Variants in AMZ1 observed in about 807,000 individuals in gnomAD.
The protein encoded by AMZ1 is archaelysin family metallopeptidase 1, also known as archaemetzincin-1.
AMZ1 carries 39 observed loss-of-function variants against 29.9 expected under a neutral mutation model. The observed-to-expected ratio is 1.30, with a 90% CI of 1.01 to 1.70. The LOEUF (loss-of-function observed/expected upper bound fraction) is 1.70. AMZ1 is among the 40% of genes most tolerant of loss of function. The probability of loss-of-function intolerance (pLI) is 0.00; values close to 1 mark genes in which losing one functional copy is unlikely to be tolerated. For synonymous variants in AMZ1, 458 were observed against 304.0 expected (o/e 1.51, Z -5.27); for missense variants, 1,041 against 680.6 (o/e 1.53, Z -5.89).
chr7:2,736,899 A>G (rs1384049999), intron 4 of AMZ1, among the ~76,000 whole-genome samples: 1 of 152,200 alleles, frequency 6.6e-6, no homozygotes, highest in Non-Finnish European at 1.5e-5. Flanking sequence ...CCACGAGAAA[A>G]GAGCTTCAGA....
In AMZ1 at chr7:2,753,369, T is replaced by C. The variant is rs913020208; in HGVS notation, n.551-11343T>C. On this transcript the variant is annotated intron_variant and non_coding_transcript_variant, in intron 4 of 4. Coordinates refer to the AMZ1 transcript ENST00000489665. ...TCTTGCTATGTTGTCCAGGCTGGTC[T>C]TAAACTACTGGGCTCAAGCCATCCT... 5.0e-4 allele frequency among the ~76,000 whole-genome samples: 72 copies of C among 145,236 alleles called. 1 individual carries two copies. The highest frequency in any genetic ancestry group is 2.0e-4 in the Non-Finnish European group (13 of 65,260).
chr7:2,708,735 A>G lies in AMZ1; in HGVS notation c.601+19A>G. The G allele has an allele frequency of 3.1e-6, 5 of 1,611,820 alleles. No individual in the cohort carries two copies. The highest frequency in any genetic ancestry group is 4.2e-6 in the Non-Finnish European group (5 of 1,179,956). On this transcript the variant is annotated intron_variant, in intron 4 of 6. Coordinates refer to ENST00000683327, the MANE Select transcript of AMZ1 (RefSeq NM_001384743.1). The stretch of plus-strand genomic sequence containing the variant: ...GGGCACGGTGAGCCGGGGCCCCAGC[A>G]GCTGTGCGTGGGGGGTAGCCTGGCA...
intron 3 of AMZ1, among the ~76,000 whole-genome samples, chr7:2,707,736 A>C (rs971784846): frequency 5.9e-5 from 9 of 151,312 alleles, no homozygotes; most frequent in Non-Finnish European, 1.0e-4. Context: ...ATCCTTGGCT[A>C]ATGGTCCTTC....
At chr7:2,694,415 G>A (rs923089931) in intron 1 of AMZ1, among the ~76,000 whole-genome samples, 7 of 152,252 alleles carry the variant, frequency 4.6e-5, no homozygotes, top group African/African-American at 1.7e-4. Context: ...GCACACTGTA[G>A]GACTTCTCAG....
chr7:2,763,866 G>A (rs554346908), upstream of AMZ1, among the ~76,000 whole-genome samples: 3 of 152,344 alleles, frequency 2.0e-5, no homozygotes, highest in East Asian at 5.8e-4. Context: ...CTGGCAGAGA[G>A]CGAGGGAGAC....
chr7:2,749,951 C>T (rs954733053), intron 4 of AMZ1, among the ~76,000 whole-genome samples: 1 of 152,146 alleles, frequency 6.6e-6, no homozygotes, highest in Non-Finnish European at 1.5e-5. Context: ...TGGAATCTCA[C>T]AGAAGAGAAC....
rs143949219 is a variant in AMZ1, at chr7:2,697,483, G to A, written c.-218-2751G>A. On this transcript the variant is annotated intron_variant, in intron 1 of 6. Transcript: ENST00000683327. ...CCCTCCTCCAGGCTGGAGTGCAGTG[G>A]CACGATCATGGCTCACTGCAGCCTT... is the stretch of plus-strand genomic sequence containing the variant. Among the ~76,000 whole-genome samples the A allele has an allele frequency of 2.0e-3, 306 of 152,054 alleles. 1 individual carries two copies. The highest frequency in any genetic ancestry group is 6.9e-3 in the African/African-American group (287 of 41,472).
At chr7:2,761,492 A>G (rs1791553551), upstream of AMZ1, among the ~76,000 whole-genome samples, 1 of 152,214 alleles carries the variant, frequency 6.6e-6, no homozygotes, top group Admixed American at 6.5e-5. Flanking sequence ...CTTTTTCCTA[A>G]AACCTGATGC....
intron 4 of AMZ1, 25 bp downstream of exon 4, chr7:2,708,741 G>A: frequency 1.2e-6 from 2 of 1,611,568 alleles, no homozygotes; most frequent in Middle Eastern, 1.9e-4. Context: ...CAGCAGCTGT[G>A]CGTGGGGGGT....
intron 6 of AMZ1, 25 bp downstream of exon 6, chr7:2,709,841 G>C (rs182917978): frequency 1.2e-6 from 2 of 1,608,348 alleles, no homozygotes; most frequent in Non-Finnish European, 1.7e-6. Context: ...TGCGCTGCCC[G>C]GCTGCTGGGA....
At chr7:2,762,914 C>A, upstream of AMZ1, 1 of 1,415,896 alleles carries the variant, frequency 7.1e-7, no homozygotes, top group South Asian at 1.6e-5. Context: ...GAGAAGAGGC[C>A]ACAGGCGGGG....
At chr7:2,735,857 G>A (rs1466519092) in intron 4 of AMZ1, among the ~76,000 whole-genome samples, 1 of 152,162 alleles carries the variant, frequency 6.6e-6, no homozygotes, top group African/African-American at 2.4e-5. Context: ...TAAGGTGCCA[G>A]GGACTGTGCC....
In AMZ1 at chr7:2,716,467, C is replaced by T. The variant is rs576986513; in HGVS notation, c.*3589C>T. 1.3e-5 allele frequency: 2 copies of T among 151,982 alleles called. No homozygotes were observed. The highest frequency in any genetic ancestry group is 2.1e-4 in the South Asian group (1 of 4,798). The allele number at this position is 151,982 out of a possible 1,614,324, so 9.4% of individuals were successfully genotyped here. On this transcript the variant is annotated 3_prime_UTR_variant, in exon 7 of 7. Transcript: ENST00000683327. ...AGGGATGCCGACCTGTTAATATTTG[C>T]TTCAGACCTTTCCCCGATGAACGAA...
upstream of AMZ1, chr7:2,763,055 A>G: frequency 8.0e-7 from 1 of 1,246,576 alleles, no homozygotes; most frequent in Non-Finnish European, 1.0e-6. Context: ...TTCCTCCAGG[A>G]CGCAGACCGG....
intron 4 of AMZ1, chr7:2,730,851 C>A: frequency 3.7e-6 from 1 of 268,240 alleles, no homozygotes. Flanking sequence ...ACACACAACA[C>A]GGTCCTCAAT....
chr7:2,725,402 G>A (rs902275601), intron 4 of AMZ1, among the ~76,000 whole-genome samples: 4 of 152,236 alleles, frequency 2.6e-5, no homozygotes, highest in Non-Finnish European at 5.9e-5. Flanking sequence ...TGTCTGAAGT[G>A]AGCTTCCACC....
In AMZ1 at chr7:2,715,881, G is replaced by C. The variant is rs950520696; in HGVS notation, c.*3003G>C. 4 of 151,624 alleles carry C rather than the reference G, an allele frequency of 2.6e-5. No individual in the cohort carries two copies. The highest frequency in any genetic ancestry group is 9.7e-5 in the African/African-American group (4 of 41,058). The allele number at this position is 151,624 out of a possible 1,614,324, so 9.4% of individuals were successfully genotyped here. On this transcript the variant is annotated 3_prime_UTR_variant, in exon 7 of 7. Coordinates refer to ENST00000683327, the MANE Select transcript of AMZ1 (RefSeq NM_001384743.1). ...AAGTTGAACTGAGATTAAATTTAGA[G>C]ATGATGGTTTCCAAGACACACAGGG...
chr7:2,684,930 C>T (rs990374513), upstream of AMZ1, among the ~76,000 whole-genome samples: 10 of 146,934 alleles, frequency 6.8e-5, no homozygotes, highest in East Asian at 6.1e-4. Flanking sequence ...AGTGCAGTGG[C>T]GCGATCTCAG....
intron 4 of AMZ1, among the ~76,000 whole-genome samples, chr7:2,735,820 G>A (rs1015396878): frequency 7.9e-5 from 12 of 152,188 alleles, no homozygotes; most frequent in African/African-American, 2.9e-4. Context: ...AGCCCAGGGG[G>A]TCCGTGGGAA....
Sources: gnomAD v4.1 joint callset for allele counts (sites outside exome capture counted in the v4.1 genomes callset) on GRCh38, gnomAD v4.1.1 for gene constraint, MANE v1.5 for transcripts, NCBI Gene and HGNC (gene_info 2026-07-23, HGNC 2026-07-21) for gene names.